DLGAP2: variants seen among roughly 807,000 people sequenced by gnomAD.
DLGAP2 encodes the protein DLG associated protein 2, also known as disks large-associated protein 2.
A neutral mutation model predicts 100.3 loss-of-function variants in DLGAP2; 26 were observed. The observed-to-expected ratio is 0.26, with a 90% CI of 0.19 to 0.36. The LOEUF (loss-of-function observed/expected upper bound fraction) is 0.36, where lower values mean the gene tolerates loss of function less well. Ranked by LOEUF, DLGAP2 falls within the 10% of genes least tolerant of loss-of-function variation. The pLI, the probability that DLGAP2 is intolerant of heterozygous loss-of-function variation, is 1.00. For missense variants in DLGAP2, 1,858 were observed against 1,453.2 expected, an observed-to-expected ratio of 1.28 and a Z score of -4.53; for synonymous variants, 886 against 630.1, an observed-to-expected ratio of 1.41 and a Z score of -6.08.
chr8:1,262,842 A>G (rs140085428), intron 3 of DLGAP2, among the ~76,000 whole-genome samples: 38 of 152,322 alleles, frequency 2.5e-4, no homozygotes, highest in African/African-American at 8.9e-4. Context: ...CTTTTCAACT[A>G]GAACACAGGA....
At chr8:1,565,467 A>G (rs1324662272) in intron 5 of DLGAP2, 9 of 482,268 alleles carry the variant, frequency 1.9e-5, no homozygotes, top group Admixed American at 1.2e-4. Context: ...CACTTTATCC[A>G]TAGTGTTTAC....
At chr8:1,125,524 G>A in intron 2 of DLGAP2, among the ~76,000 whole-genome samples, 1 of 152,156 alleles carries the variant, frequency 6.6e-6, no homozygotes, top group East Asian at 1.9e-4. Flanking sequence ...ATTATATCAT[G>A]CAGATGAAAA....
chr8:1,252,046 ATGTCACACT>A (rs993584096), intron 2 of DLGAP2, among the ~76,000 whole-genome samples: 7 of 144,962 alleles, frequency 4.8e-5, no homozygotes, highest in African/African-American at 1.7e-4. Flanking sequence ...GAGTCATGTC[ATGTCACACT>A]TGTCACACTG....
chr8:866,158 G>T (rs1797490428), intron 1 of DLGAP2, among the ~76,000 whole-genome samples: 1 of 152,120 alleles, frequency 6.6e-6, no homozygotes, highest in Non-Finnish European at 1.5e-5. Flanking sequence ...GGTTGGCCGG[G>T]GCCCTCGGTG....
intron 2 of DLGAP2, among the ~76,000 whole-genome samples, chr8:952,296 A>T (rs1000377404): frequency 6.6e-5 from 10 of 152,364 alleles, no homozygotes; most frequent in South Asian, 2.1e-4. Flanking sequence ...CTAAGGGCCA[A>T]CAATTCCCCA....
At chr8:1,527,014 G>A (rs559396921) in intron 4 of DLGAP2, among the ~76,000 whole-genome samples, 39 of 152,216 alleles carry the variant, frequency 2.6e-4, no homozygotes, top group Admixed American at 7.8e-4. Context: ...ACTTCGCATC[G>A]TCTACATTGC....
At chr8:1,550,135 C>T (rs999834479) in intron 5 of DLGAP2, among the ~76,000 whole-genome samples, 1 of 152,328 alleles carries the variant, frequency 6.6e-6, no homozygotes, top group Non-Finnish European at 1.5e-5. Context: ...TCTGTGTGCG[C>T]CGGGCTCATC....
intron 1 of DLGAP2, among the ~76,000 whole-genome samples, chr8:758,703 A>T (rs1411561567): frequency 1.3e-5 from 2 of 152,072 alleles, no homozygotes; most frequent in Non-Finnish European, 2.9e-5. Flanking sequence ...CTGGTACTAC[A>T]GGTGTGCACC....
intron 6 of DLGAP2, among the ~76,000 whole-genome samples, chr8:1,589,126 G>A (rs1796215704): frequency 6.6e-6 from 1 of 152,174 alleles, no homozygotes; most frequent in Admixed American, 6.5e-5. Context: ...TGGGTTTGTG[G>A]TTGAATTGTA....
intron 5 of DLGAP2, among the ~76,000 whole-genome samples, chr8:1,554,224 G>T (rs888551281): frequency 6.6e-6 from 1 of 152,180 alleles, no homozygotes; most frequent in African/African-American, 2.4e-5. Flanking sequence ...GGAGGTGGAG[G>T]TTGCAGTGAG....
At chr8:1,629,541 A>T (rs796835302) in intron 7 of DLGAP2, among the ~76,000 whole-genome samples, 32 of 152,368 alleles carry the variant, frequency 2.1e-4, no homozygotes, top group African/African-American at 7.7e-4. Flanking sequence ...ATATGGGGAG[A>T]CACTAATTAA....
In DLGAP2 at chr8:809,653, C is replaced by G. The variant is rs149390308; in HGVS notation, c.18+71828C>G. ...TGTCTACCAATACGAGTCAACCTGA[C>G]TGAAATTGGTGAAGAACGGATGTGT... On this transcript the variant is annotated intron_variant, in intron 1 of 14. Transcript: ENST00000637795. Among the ~76,000 whole-genome samples, 502 of 152,252 alleles carry G rather than the reference C, an allele frequency of 3.3e-3. 4 individuals are homozygous for G. Among genetic ancestry groups the G allele is most frequent in the African/African-American group, 0.012 (483 of 41,552 alleles).
intron 6 of DLGAP2, among the ~76,000 whole-genome samples, chr8:1,591,200 C>T (rs1796279120): frequency 1.3e-5 from 2 of 152,174 alleles, no homozygotes; most frequent in African/African-American, 2.4e-5. Context: ...ATTCAAAGTT[C>T]TGTTCTTCCC....
At chr8:1,111,105 C>G (rs1171584009) in intron 2 of DLGAP2, among the ~76,000 whole-genome samples, 1 of 152,236 alleles carries the variant, frequency 6.6e-6, no homozygotes, top group African/African-American at 2.4e-5. Flanking sequence ...CCGGGCCTTC[C>G]TCCGCCTTAC....
chr8:1,555,628 A>C lies in DLGAP2; in HGVS notation c.1230+5945A>C, dbSNP rs138101689. 1.9e-4 allele frequency among the ~76,000 whole-genome samples: 29 copies of C among 151,998 alleles called. No homozygotes were observed. The East Asian group carries it at 5.3e-3, about 28-fold the overall frequency. On this transcript the variant is annotated intron_variant, in intron 5 of 14. Coordinates refer to ENST00000637795, the MANE Select transcript of DLGAP2 (RefSeq NM_001346810.2). ...CTGGGCCTGTGCCTTCGAGCCTCTC[A>C]CTGTCTCCCCGGCTGGACTCCTCCA...
At chr8:1,508,185 C>G (rs1209696799) in intron 4 of DLGAP2, among the ~76,000 whole-genome samples, 2 of 151,816 alleles carry the variant, frequency 1.3e-5, no homozygotes, top group Admixed American at 1.3e-4. Flanking sequence ...ATCTGAATTT[C>G]TGGGGTGCAT....
chr8:1,249,218 C>G (rs1798983185), intron 2 of DLGAP2, among the ~76,000 whole-genome samples: 2 of 152,202 alleles, frequency 1.3e-5, no homozygotes, highest in East Asian at 1.9e-4. Context: ...GCTCAGAACT[C>G]TTAGCATTGG....
chr8:1,195,314 C>G (rs1361771350), intron 2 of DLGAP2, among the ~76,000 whole-genome samples: 1 of 152,132 alleles, frequency 6.6e-6, no homozygotes, highest in African/African-American at 2.4e-5. Flanking sequence ...GGAGCAGAGC[C>G]TGAAGTCAGG....
chr8:911,644 A>G (rs572006442), intron 2 of DLGAP2, among the ~76,000 whole-genome samples: 9 of 152,162 alleles, frequency 5.9e-5, no homozygotes, highest in African/African-American at 1.9e-4. Context: ...GTATGTGGGA[A>G]GGATGCTGGA....
Sources: gnomAD v4.1 joint callset for allele counts (sites outside exome capture counted in the v4.1 genomes callset) on GRCh38, gnomAD v4.1.1 for gene constraint, MANE v1.5 for transcripts, NCBI Gene and HGNC (gene_info 2026-07-23, HGNC 2026-07-21) for gene names.